RALGAPA1: variants seen among roughly 807,000 people sequenced by gnomAD.
RALGAPA1 encodes Ral GTPase activating protein catalytic subunit alpha 1.
RALGAPA1 carries 52 observed loss-of-function variants against 269.6 expected under a neutral mutation model. That is an observed-to-expected ratio of 0.19 (90% CI 0.15 to 0.24). The LOEUF (loss-of-function observed/expected upper bound fraction) is 0.24. Among genes scored for constraint, RALGAPA1 ranks in the 10% least tolerant of loss-of-function variants. The pLI is 1.00. For synonymous variants in RALGAPA1, 817 were observed against 1,008.3 expected, an observed-to-expected ratio of 0.81 and a Z score of 3.60; for missense variants, 1,917 against 3,013.9, an observed-to-expected ratio of 0.64 and a Z score of 8.52.
At chr14:35,553,196 G>T (rs551668425) in intron 39 of RALGAPA1, among the ~76,000 whole-genome samples, 22 of 152,270 alleles carry the variant, frequency 1.4e-4, no homozygotes, top group Admixed American at 1.0e-3. Flanking sequence ...TCACATCTTT[G>T]TAAACAGCAG....
chr14:35,560,982 C>A lies in RALGAPA1; in HGVS notation c.7496+9635G>T, dbSNP rs534778052. Among the ~76,000 whole-genome samples, 35 of 152,170 alleles carry A rather than the reference C, an allele frequency of 2.3e-4. 1 individual carries two copies. The South Asian group carries it at 7.3e-3, about 32-fold the overall frequency. On this transcript the variant is annotated intron_variant, in intron 39 of 41. Coordinates refer to ENST00000680220, the MANE Select transcript of RALGAPA1 (RefSeq NM_001346249.2). ...TGGTGGCTCACACCTGTAATCCCAG[C>A]ACTTTGGGAGGCCGAGGCAGATGGA...
At chr14:35,654,508 T>A in intron 29 of RALGAPA1, 31 bp from the exon 30 acceptor site, 1 of 1,562,412 alleles carries the variant, frequency 6.4e-7, no homozygotes. Context: ...TTTTAAAAAT[T>A]TTCATGATGA....
In RALGAPA1 at chr14:35,750,642, T is replaced by G. The variant is rs1479920828; in HGVS notation, c.851A>C (p.Asp284Ala). ...PKPHYVVIKK[D>A]AETNEAIYCT... ...ATAGATTGCTTCATTGGTTTCAGCATCTTTCTTTATCACGACATAATGTGG... is the reference window on the plus strand; with the variant it reads ...ATAGATTGCTTCATTGGTTTCAGCAGCTTTCTTTATCACGACATAATGTGG... The change falls in exon 9 of 42, where the codon GAT (aspartate) becomes GCT (alanine). Residue 284 changes from aspartate to alanine, a missense_variant. Asp to Ala is a moderately radical substitution (Grantham distance 126). Coordinates refer to ENST00000680220, the MANE Select transcript of RALGAPA1 (RefSeq NM_001346249.2). 1 of 1,613,458 alleles carries G rather than the reference T, an allele frequency of 6.2e-7. No individual in the cohort carries two copies. Among genetic ancestry groups the G allele is most frequent in the African/African-American group, 1.3e-5 (1 of 75,030 alleles).
intron 6 of RALGAPA1, among the ~76,000 whole-genome samples, chr14:35,758,814 T>C (rs1283033081): frequency 6.6e-6 from 1 of 152,150 alleles, no homozygotes; most frequent in Non-Finnish European, 1.5e-5. Context: ...AAAATGCTTA[T>C]AGAACATCTG....
intron 37 of RALGAPA1, among the ~76,000 whole-genome samples, chr14:35,579,784 G>T (rs2057832543): frequency 6.6e-6 from 1 of 152,014 alleles, no homozygotes. Context: ...TATGGGCAGA[G>T]TTTCTTCTAT....
chr14:35,713,761 C>T (rs1309568568), intron 16 of RALGAPA1, among the ~76,000 whole-genome samples: 1 of 152,130 alleles, frequency 6.6e-6, no homozygotes, highest in East Asian at 1.9e-4. Context: ...AAATAAACTG[C>T]ACTTTAGACT....
intron 39 of RALGAPA1, among the ~76,000 whole-genome samples, chr14:35,564,872 T>G (rs1413673354): frequency 6.6e-6 from 1 of 152,158 alleles, no homozygotes; most frequent in African/African-American, 2.4e-5. Flanking sequence ...AAACACTCTT[T>G]CCTGATCTTC....
chr14:35,657,587 C>T (rs1300515796), intron 28 of RALGAPA1, among the ~76,000 whole-genome samples: 2 of 151,920 alleles, frequency 1.3e-5, no homozygotes, highest in African/African-American at 4.8e-5. Flanking sequence ...CCATATTCTC[C>T]ATAACACAAG....
Position 35,732,835 on chromosome 14 carries a change from A to G in RALGAPA1, c.1588-4325T>C, listed in dbSNP as rs543637013. On this transcript the variant is annotated intron_variant, in intron 12 of 41. Coordinates refer to ENST00000680220, the MANE Select transcript of RALGAPA1 (RefSeq NM_001346249.2). ...TTCAATTCTCCACTGACAGCACTAG[A>G]CAGGTCAAGACAGAAAGACAACAAA... Among the ~76,000 whole-genome samples, 8 of 152,350 alleles carry G rather than the reference A, an allele frequency of 5.3e-5. No homozygotes were observed. The South Asian group carries it at 1.5e-3, about 28-fold the overall frequency.
At chr14:35,631,238 C>T (rs2061341975) in intron 33 of RALGAPA1, among the ~76,000 whole-genome samples, 1 of 152,132 alleles carries the variant, frequency 6.6e-6, no homozygotes, top group African/African-American at 2.4e-5. Context: ...TCTTTTGCTT[C>T]CCAGCTCAGT....
chr14:35,546,396 C>CAT (rs1337186932), intron 41 of RALGAPA1, among the ~76,000 whole-genome samples: 1 of 151,750 alleles, frequency 6.6e-6, no homozygotes, highest in Admixed American at 6.6e-5. Flanking sequence ...CAGCATGGCA[C>CAT]ATGTATACAT....
intron 1 of RALGAPA1, among the ~76,000 whole-genome samples, chr14:35,777,588 T>A (rs2075129251): frequency 6.6e-6 from 1 of 152,128 alleles, no homozygotes; most frequent in South Asian, 2.1e-4. Context: ...TTTGAGATGG[T>A]GTCTTGCTCT....
chr14:35,718,840 A>ATT (rs35240996), intron 16 of RALGAPA1, among the ~76,000 whole-genome samples: 16 of 140,840 alleles, frequency 1.1e-4, no homozygotes, highest in African/African-American at 3.7e-4. Flanking sequence ...AAAAAAATGG[A>ATT]TTTTTTTTTT....
intron 12 of RALGAPA1, among the ~76,000 whole-genome samples, chr14:35,737,022 C>T (rs1454203251): frequency 2.4e-4 from 35 of 143,454 alleles, no homozygotes; most frequent in Admixed American, 7.1e-4. Context: ...GGTGACAGAC[C>T]GAGGCTCCAT....
intron 15 of RALGAPA1, among the ~76,000 whole-genome samples, chr14:35,722,572 A>AGAG (rs1212611321): frequency 1.3e-4 from 19 of 151,880 alleles, no homozygotes; most frequent in Non-Finnish European, 2.6e-4. Flanking sequence ...TGACTGTGCT[A>AGAG]CTATACTCTA....
chr14:35,721,954 TTA>T lies in RALGAPA1; in HGVS notation c.2105-107_2105-106del, dbSNP rs1164763214. On this transcript the variant is annotated intron_variant, in intron 15 of 41. Coordinates refer to ENST00000680220, the MANE Select transcript of RALGAPA1 (RefSeq NM_001346249.2). ...AGAGTCTTAGGTTTGCTCACATAAA[TTA>T]TAAAGTAATAAGACAAAACGCTGTG... The T allele has an allele frequency of 1.3e-5, 12 of 909,398 alleles. No individual in the cohort carries two copies. The Admixed American group carries it at 2.7e-4, about 20-fold the overall frequency. 56.3% of individuals were successfully genotyped at this position (909,398 alleles called of 1,614,324 possible). A position where few individuals can be genotyped will look rare whatever the true frequency, so the allele number is the denominator to read the frequency against.
intron 14 of RALGAPA1, 32 bp from the exon 15 acceptor site, chr14:35,723,296 A>C (rs750564033): frequency 7.7e-7 from 1 of 1,304,810 alleles, no homozygotes; most frequent in Non-Finnish European, 1.1e-6. Flanking sequence ...ATAACAATAA[A>C]ATGTGTTTAG....
chr14:35,671,189 G>C (rs2064394812), intron 26 of RALGAPA1, among the ~76,000 whole-genome samples, 200 bp downstream of exon 26: 1 of 151,552 alleles, frequency 6.6e-6, no homozygotes, highest in Admixed American at 6.6e-5. Flanking sequence ...TTTAAATCCT[G>C]TTCTGCTTAT....
At chr14:35,673,723 G>A (rs888016496) in intron 24 of RALGAPA1, among the ~76,000 whole-genome samples, 33 of 152,024 alleles carry the variant, frequency 2.2e-4, no homozygotes, top group Admixed American at 1.0e-3. Context: ...TGGGATTACA[G>A]GTGCCCACCA....
Sources: gnomAD v4.1 joint callset for allele counts (sites outside exome capture counted in the v4.1 genomes callset) on GRCh38, gnomAD v4.1.1 for gene constraint, MANE v1.5 for transcripts, NCBI Gene and HGNC (gene_info 2026-07-23, HGNC 2026-07-21) for gene names.